KAT2B: variants seen among roughly 807,000 people sequenced by gnomAD.
The protein encoded by KAT2B is lysine acetyltransferase 2B.
A neutral mutation model predicts 105.9 loss-of-function variants in KAT2B; 36 were observed. That is an observed-to-expected ratio of 0.34 (90% CI 0.26 to 0.45). The LOEUF (loss-of-function observed/expected upper bound fraction) is 0.45, where lower values mean the gene tolerates loss of function less well. KAT2B is among the 20% of genes least tolerant of loss of function. The pLI is 1.00. For missense variants in KAT2B, 820 were observed against 1,021.6 expected, an observed-to-expected ratio of 0.80 and a Z score of 2.69; for synonymous variants, 397 against 377.9, an observed-to-expected ratio of 1.05 and a Z score of -0.59.
Position 20,140,325 on chromosome 3 carries a change from G to C in KAT2B, c.1965G>C (p.Pro655=), listed in dbSNP as rs142548774. ...LMGCELNPRI[P]YTEFSVIIKK... ...GATGTGAGCTAAATCCACGGATCCC[G>C]TACACAGAATTTTCTGTCATCATTA... Residue 655 remains proline (P), a synonymous_variant, in exon 13 of 18, where the codon CCG becomes CCC. Transcript: ENST00000263754. 3 of 1,613,652 alleles carry C rather than the reference G, an allele frequency of 1.9e-6. No individual in the cohort carries two copies. The African/African-American group carries it at 4.0e-5, about 22-fold the overall frequency.
chr3:20,107,007 ATATATATAT>A (rs1559316223), intron 5 of KAT2B, among the ~76,000 whole-genome samples: 1 of 25,228 alleles, frequency 4.0e-5, no homozygotes, highest in African/African-American at 1.8e-4. Flanking sequence ...ATATATATAT[ATATATATAT>A]TTTTTTTTTT....
chr3:20,097,635 C>G (rs1328935574), intron 3 of KAT2B, among the ~76,000 whole-genome samples: 1 of 152,064 alleles, frequency 6.6e-6, no homozygotes, highest in East Asian at 1.9e-4. Flanking sequence ...CACCTGAGTT[C>G]AAGTGATTCT....
intron 11 of KAT2B, among the ~76,000 whole-genome samples, chr3:20,129,128 A>G (rs1254751917): frequency 6.6e-6 from 1 of 152,038 alleles, no homozygotes; most frequent in Non-Finnish European, 1.5e-5. Flanking sequence ...GGTCTAAAGC[A>G]ATGTGTCCAA....
At chr3:20,040,903 G>T in intron 1 of KAT2B, 123 bp downstream of exon 1, 1 of 1,209,848 alleles carries the variant, frequency 8.3e-7, no homozygotes, top group Non-Finnish European at 1.1e-6. Context: ...GCCTGGGGCC[G>T]CTGCACCGCG....
intron 7 of KAT2B, among the ~76,000 whole-genome samples, chr3:20,116,081 CT>C (rs377606078): frequency 3.1e-4 from 46 of 146,398 alleles, no homozygotes; most frequent in Non-Finnish European, 3.5e-4. Flanking sequence ...TCTTTGTGTC[CT>C]TTTTTTTTTT....
At chr3:20,145,327 T>C (rs1211683160) in intron 13 of KAT2B, among the ~76,000 whole-genome samples, 2 of 152,194 alleles carry the variant, frequency 1.3e-5, no homozygotes, top group Non-Finnish European at 2.9e-5. Flanking sequence ...GATCTAGATT[T>C]ACTAGGAATA....
intron 6 of KAT2B, among the ~76,000 whole-genome samples, chr3:20,114,059 G>T (rs1419826043): frequency 6.6e-6 from 1 of 150,538 alleles, no homozygotes; most frequent in Non-Finnish European, 1.5e-5. Flanking sequence ...AGGGACTTAG[G>T]TATCTGTATT....
chr3:20,072,580 A>G (rs1698344734), intron 2 of KAT2B, 121 bp downstream of exon 2: 1 of 891,614 alleles, frequency 1.1e-6, no homozygotes, highest in East Asian at 2.4e-5. Context: ...GAGAGCAACA[A>G]CAAGAGCCTC....
At chr3:20,090,861 T>A (rs2125193199) in intron 2 of KAT2B, among the ~76,000 whole-genome samples, 1 of 152,268 alleles carries the variant, frequency 6.6e-6, no homozygotes, top group East Asian at 1.9e-4. Context: ...AACCTCAGCC[T>A]CCTGAGTAGC....
At chr3:20,109,409 T>TAG (rs1559317164) in intron 5 of KAT2B, among the ~76,000 whole-genome samples, 1 of 152,162 alleles carries the variant, frequency 6.6e-6, no homozygotes, top group Non-Finnish European at 1.5e-5. Flanking sequence ...CTAGAACTCC[T>TAG]AGGTTCAAGT....
Position 20,140,213 on chromosome 3 carries a change from CT to C in KAT2B, c.1861-4del. 1 of 1,576,084 alleles carries C rather than the reference CT, an allele frequency of 6.3e-7. No homozygotes were observed. Among genetic ancestry groups the C allele is most frequent in the Non-Finnish European group, 8.7e-7 (1 of 1,146,142 alleles). On this transcript the variant is annotated splice_polypyrimidine_tract_variant and splice_region_variant and intron_variant, in intron 12 of 17. Coordinates refer to ENST00000263754, the MANE Select transcript of KAT2B (RefSeq NM_003884.5). ...GTGTTCATATGAATGAATTTACTTG[CT>C]TTTCAGGGTTTCTCCAAAGAAATTA...
At chr3:20,080,824 T>C (rs1482016725) in intron 2 of KAT2B, among the ~76,000 whole-genome samples, 1 of 152,202 alleles carries the variant, frequency 6.6e-6, no homozygotes, top group Non-Finnish European at 1.5e-5. Context: ...TAATATTGCA[T>C]ACGTATTGAA....
rs770743880 is a variant in KAT2B at position 20,111,682 on chromosome 3, G to A, written c.938G>A (p.Arg313His). The A allele has an allele frequency of 5.6e-6, 9 of 1,613,956 alleles. 1 individual carries two copies. In the South Asian group the frequency reaches 6.6e-5, roughly 12 times the overall value. The part of the protein sequence containing the change: ...TTQVFGRTLL[R>H]SVFTVMRRQL... ...CAGGTGTTTGGGAGAACATTGCTTC[G>A]CTCGGTCTTCACTGTTATGAGGCGA... is the stretch of plus-strand genomic sequence containing the variant. The change falls in exon 6 of 18, where the codon CGC becomes CAC. Residue 313 changes from arginine to histidine, a missense_variant. Around this residue, in one of 6 missense-constraint regions of KAT2B, gnomAD observed 173 missense variants for 249.5 expected, o/e 0.69. Transcript: ENST00000263754.
At chr3:20,053,228 C>A (rs979707774) in intron 1 of KAT2B, among the ~76,000 whole-genome samples, 1 of 152,180 alleles carries the variant, frequency 6.6e-6, no homozygotes, top group Middle Eastern at 3.4e-3. Flanking sequence ...CTGCAAGTTA[C>A]AATTAAATTC....
chr3:20,053,261 C>T (rs926634999), intron 1 of KAT2B, among the ~76,000 whole-genome samples: 9 of 152,002 alleles, frequency 5.9e-5, no homozygotes, highest in East Asian at 1.9e-4. Context: ...ATGTGGCTCA[C>T]GCCTGTAATC....
chr3:20,150,376 T>C (rs1699851860), intron 17 of KAT2B, among the ~76,000 whole-genome samples: 1 of 152,164 alleles, frequency 6.6e-6, no homozygotes, highest in South Asian at 2.1e-4. Flanking sequence ...TACTTTTCTT[T>C]CCCCATATTC....
intron 1 of KAT2B, among the ~76,000 whole-genome samples, chr3:20,065,404 G>C (rs952587583): frequency 6.6e-6 from 1 of 152,190 alleles, no homozygotes; most frequent in Non-Finnish European, 1.5e-5. Context: ...ATTAAGGAGA[G>C]ACATGGGAAA....
intron 7 of KAT2B, among the ~76,000 whole-genome samples, chr3:20,116,896 A>T (rs1699216759): frequency 6.6e-6 from 1 of 152,194 alleles, no homozygotes; most frequent in South Asian, 2.1e-4. Context: ...ATTCCTAAAT[A>T]TTACACTGTA....
In KAT2B at chr3:20,040,636, T is replaced by G; in HGVS notation, c.159T>G (p.Gly53=). 7.2e-7 allele frequency: 1 copy of G among 1,397,322 alleles called. No homozygotes were observed. The highest frequency in any genetic ancestry group is 9.3e-7 in the Non-Finnish European group (1 of 1,078,568). The allele number at this position is 1,397,322 out of a possible 1,614,324, so 86.6% of individuals were successfully genotyped here. A position where few individuals can be genotyped will look rare whatever the true frequency, so the allele number is the denominator to read the frequency against. ...AAAAGGSGAC[G]PATAVAAAGT... ...CCGCCGGGGGCTCGGGCGCCTGCGGTCCGGCGACGGCAGTGGCTGCAGCGG... is the reference window on the plus strand; with the variant it reads ...CCGCCGGGGGCTCGGGCGCCTGCGGGCCGGCGACGGCAGTGGCTGCAGCGG... Residue 53 remains glycine (G), a synonymous_variant, in exon 1 of 18, where the codon GGT becomes GGG. Transcript: ENST00000263754.
Sources: gnomAD v4.1 joint callset for allele counts (sites outside exome capture counted in the v4.1 genomes callset) on GRCh38, gnomAD v4.1.1 for gene constraint, gnomAD v4.1.1 regional missense constraint, MANE v1.5 for transcripts, NCBI Gene and HGNC (gene_info 2026-07-23, HGNC 2026-07-21) for gene names.